TRRAP: variants seen among roughly 807,000 people sequenced by gnomAD.
TRRAP encodes the protein transformation/transcription domain-associated protein.
Under a neutral mutation model 438.8 loss-of-function variants are expected in TRRAP, and 41 were observed. The ratio of observed to expected loss-of-function variants is 0.09; its 90% CI spans 0.07 to 0.12. The LOEUF (loss-of-function observed/expected upper bound fraction) is 0.12, where lower values mean the gene tolerates loss of function less well. Ranked by LOEUF, TRRAP falls within the 10% of genes least tolerant of loss-of-function variation. The pLI is 1.00. For synonymous variants in TRRAP, 1,994 were observed against 1,962.9 expected (o/e 1.02, Z -0.42); for missense variants, 3,122 against 5,055.1 (o/e 0.62, Z 11.60).
chr7:98,978,384 T>G, intron 57 of TRRAP, 61 bp downstream of exon 57: 1 of 1,433,928 alleles, frequency 7.0e-7, no homozygotes, highest in Non-Finnish European at 9.7e-7. Flanking sequence ...GGGAAAAATC[T>G]CTGACCTTTT....
intron 30 of TRRAP, among the ~76,000 whole-genome samples, chr7:98,941,461 C>T (rs192222994): frequency 3.3e-5 from 5 of 152,296 alleles, no homozygotes; most frequent in Admixed American, 1.3e-4. Context: ...TGAGCTACCG[C>T]GCCTGGCCAT....
At chr7:98,958,711 G>C (rs3779187) in intron 44 of TRRAP, among the ~76,000 whole-genome samples, 3 of 151,970 alleles carry the variant, frequency 2.0e-5, no homozygotes, top group Non-Finnish European at 4.4e-5. Flanking sequence ...ACATGATCTC[G>C]GCTGATCATT....
chr7:98,989,077 G>T, intron 63 of TRRAP, 111 bp downstream of exon 63: 1 of 1,105,928 alleles, frequency 9.0e-7, no homozygotes, highest in Non-Finnish European at 1.3e-6. Context: ...ATGATTTCAT[G>T]CCTTAACTCT....
In TRRAP at chr7:98,938,765, T is replaced by TA. The variant is rs1790667623; in HGVS notation, c.4404+947dup. Among the ~76,000 whole-genome samples, 3 of 152,254 alleles carry TA rather than the reference T, an allele frequency of 2.0e-5. 1 individual carries two copies. Among genetic ancestry groups the TA allele is most frequent in the Admixed American group, 6.5e-5 (1 of 15,284 alleles). On this transcript the variant is annotated intron_variant, in intron 30 of 72. Transcript: ENST00000456197. Reference sequence around the variant, plus strand: ...CATGATGCACTGAAAGACTTGTTCATAATTTCACATGCTTTTATCTGTGGT... The same window carrying TA: ...CATGATGCACTGAAAGACTTGTTCATAAATTTCACATGCTTTTATCTGTGGT...
Position 98,956,265 on chromosome 7 carries a change from C to T in TRRAP, c.6057C>T (p.Val2019=), listed in dbSNP as rs782414888. 86 of 1,614,080 alleles carry T rather than the reference C, an allele frequency of 5.3e-5. No homozygotes were observed. Among genetic ancestry groups the T allele is most frequent in the Non-Finnish European group, 6.4e-5 (75 of 1,180,054 alleles). The change falls in exon 42 of 73, where the codon GTC becomes GTT. Residue 2019 remains valine, a synonymous_variant. Coordinates refer to ENST00000456197, the MANE Select transcript of TRRAP (RefSeq NM_001375524.1). This position sits in a 1 kb window ranked among gnomAD's most constrained non-coding sequence, Gnocchi z 4.5. ...GGCTGGCCGTGGACCTGTCTGAAGT[C>T]GTCATCAAGTGGGAGCTGCAGAGGA... ...QRRLAVDLSE[V]VIKWELQRIK... is the part of the protein sequence containing the mutation.
At chr7:98,936,498 A>C (rs922336960) in intron 28 of TRRAP, among the ~76,000 whole-genome samples, 2 of 152,130 alleles carry the variant, frequency 1.3e-5, no homozygotes, top group Non-Finnish European at 2.9e-5. Context: ...CCTGACATAG[A>C]AGGTTGAGGT....
At chr7:98,941,247 C>T (rs2116565352) in intron 30 of TRRAP, among the ~76,000 whole-genome samples, 1 of 152,304 alleles carries the variant, frequency 6.6e-6, no homozygotes, top group African/African-American at 2.4e-5. Context: ...GTGATCATAG[C>T]TCACTGCAAC....
rs781787843 is a variant in TRRAP at position 98,915,794 on chromosome 7, C to T, written c.2271C>T (p.Phe757=). 2.5e-5 allele frequency: 41 copies of T among 1,614,124 alleles called. No homozygotes were observed. Among genetic ancestry groups the T allele is most frequent in the Non-Finnish European group, 3.3e-5 (39 of 1,180,048 alleles). Residue 757 remains phenylalanine, a synonymous_variant, in exon 19 of 73, where the codon TTC becomes TTT. Coordinates refer to ENST00000456197, the MANE Select transcript of TRRAP (RefSeq NM_001375524.1). ...AQTAKEPYNY[F]LLLRALFRSI... ...CTGCCAAGGAACCCTACAACTACTT[C>T]TTGCTGCTACGGGCGCTGTTTCGCT...
chr7:98,970,181 A>G lies in TRRAP; in HGVS notation c.7582A>G (p.Ile2528Val). Reference protein sequence around the residue: ...TSCQGAMLPSITNVINLADSH... With the variant: ...TSCQGAMLPSVTNVINLADSH... ...CTGCCAAGGAGCCATGCTCCCGTCC[A>G]TCACCAACGTCATCAACCTGGCCGA... is the stretch of plus-strand genomic sequence containing the variant. Residue 2528 changes from isoleucine (I) to valine (V), a missense_variant, in exon 52 of 73, where the codon ATC becomes GTC. Physicochemically the swap from Ile to Val is conservative, Grantham distance 29. Coordinates refer to ENST00000456197, the MANE Select transcript of TRRAP (RefSeq NM_001375524.1). 2.5e-6 allele frequency: 4 copies of G among 1,613,952 alleles called. No homozygotes were observed. The highest frequency in any genetic ancestry group is 1.3e-5 in the African/African-American group (1 of 75,048).
chr7:98,915,630 A>C, intron 18 of TRRAP, 93 bp from the exon 19 acceptor site: 3 of 1,469,228 alleles, frequency 2.0e-6, no homozygotes, highest in Non-Finnish European at 2.7e-6. Context: ...ATTGCCTTCC[A>C]TTGCTGTCGG....
In TRRAP at chr7:98,937,257, G is replaced by A; in HGVS notation, c.4213G>A (p.Gly1405Arg). The change falls in exon 29 of 73, where the codon GGA becomes AGA. Residue 1405 changes from glycine (G) to arginine (R), a missense_variant. Coordinates refer to ENST00000456197, the MANE Select transcript of TRRAP (RefSeq NM_001375524.1). ...CACCAATAGTGAGCTCCAAGAGGCCGGAGAAGCCTGTATGAGAAAGGTGAG... is the reference window on the plus strand; with the variant it reads ...CACCAATAGTGAGCTCCAAGAGGCCAGAGAAGCCTGTATGAGAAAGGTGAG... ...NSTNSELQEA[G>R]EACMRKFLEG... The A allele has an allele frequency of 6.2e-7, 1 of 1,613,014 alleles. No homozygotes were observed. The highest frequency in any genetic ancestry group is 1.3e-5 in the African/African-American group (1 of 75,004).
rs770326053 is a variant in TRRAP at position 98,964,738 on chromosome 7, C to T, written c.6939C>T (p.Asn2313=). ...SLQKMVREHL[N]PQAASGSTEA... ...AGAAGATGGTCCGGGAGCATTTAAA[C>T]CCTCAGGCAGCGTCAGGAAGCACCG... The change falls in exon 48 of 73, where the codon AAC becomes AAT. Residue 2313 remains asparagine, a synonymous_variant. Coordinates refer to ENST00000456197, the MANE Select transcript of TRRAP (RefSeq NM_001375524.1). 57 of 1,613,328 alleles carry T rather than the reference C, an allele frequency of 3.5e-5. No homozygotes were observed. The highest frequency in any genetic ancestry group is 1.3e-5 in the African/African-American group (1 of 74,890).
At chr7:98,934,391 G>A (rs149708449) in intron 27 of TRRAP, among the ~76,000 whole-genome samples, 1 of 152,292 alleles carries the variant, frequency 6.6e-6, no homozygotes, top group African/African-American at 2.4e-5. Flanking sequence ...ATATGATCTG[G>A]CTCTGATCTT....
Position 99,012,227 on chromosome 7 carries a change from A to G in TRRAP, c.11494A>G (p.Ile3832Val). 1.2e-6 allele frequency: 2 copies of G among 1,614,140 alleles called. No homozygotes were observed. The highest frequency in any genetic ancestry group is 1.7e-6 in the Non-Finnish European group (2 of 1,180,002). Reference protein sequence around the residue: ...VSLVQKAVTAIMTRLHNLAQF... With the variant: ...VSLVQKAVTAVMTRLHNLAQF... Reference sequence around the variant, plus strand: ...CCTGGTTCAGAAAGCCGTCACCGCCATCATGACCCGCCTGCACAACCTCGC... The same window carrying G: ...CCTGGTTCAGAAAGCCGTCACCGCCGTCATGACCCGCCTGCACAACCTCGC... The change falls in exon 73 of 73, where the codon ATC (isoleucine) becomes GTC (valine). Residue 3832 changes from isoleucine to valine, a missense_variant. Ile to Val is a conservative substitution (Grantham distance 29). Coordinates refer to ENST00000456197, the MANE Select transcript of TRRAP (RefSeq NM_001375524.1). This position sits in a 1 kb window ranked among gnomAD's most constrained non-coding sequence, Gnocchi z 5.9.
chr7:99,005,334 A>T lies in TRRAP; in HGVS notation c.10739A>T (p.His3580Leu), dbSNP rs775630238. The T allele has an allele frequency of 1.2e-6, 2 of 1,614,016 alleles. No homozygotes were observed. Among genetic ancestry groups the T allele is most frequent in the Non-Finnish European group, 1.7e-6 (2 of 1,180,038 alleles). Residue 3580 changes from histidine (H) to leucine (L), a missense_variant, in exon 69 of 73, where the codon CAC becomes CTC. Around this residue, in one of 24 missense-constraint regions of TRRAP, gnomAD observed 95 missense variants for 144.1 expected, o/e 0.66. Coordinates refer to ENST00000456197, the MANE Select transcript of TRRAP (RefSeq NM_001375524.1). The surrounding 1 kb of genome is among the most constrained non-coding windows in gnomAD (Gnocchi z 5.1). ...LEKRKETTKR[H>L]LFFTVPRVVA... Reference sequence around the variant, plus strand: ...AAGAGAAAGGAGACCACCAAGAGGCACTTGTTTTTCACAGGTAGGGTTGAG... The same window carrying T: ...AAGAGAAAGGAGACCACCAAGAGGCTCTTGTTTTTCACAGGTAGGGTTGAG...
intron 53 of TRRAP, among the ~76,000 whole-genome samples, 173 bp downstream of exon 53, chr7:98,972,118 C>T (rs1296686253): frequency 6.6e-6 from 1 of 152,246 alleles, no homozygotes; most frequent in Admixed American, 6.5e-5. Context: ...TCGCACCTCA[C>T]TGCGGCCTCA....
intron 6 of TRRAP, among the ~76,000 whole-genome samples, chr7:98,895,364 G>A (rs1240166711): frequency 1.3e-5 from 2 of 152,124 alleles, no homozygotes; most frequent in African/African-American, 2.4e-5. Flanking sequence ...GAGAATTACC[G>A]AGGCAAAGGC....
In TRRAP at chr7:99,008,442, C is replaced by T. The variant is rs1159048161; in HGVS notation, c.10819C>T (p.Leu3607Phe). The part of the protein sequence containing the change: ...LVEDNPSSLS[L>F]VEIYKQRCAK... ...GGAGGACAACCCCTCTTCACTTTCC[C>T]TTGTGGAGATCTACAAGCAGCGCTG... The change falls in exon 70 of 73, where the codon CTT becomes TTT. Residue 3607 changes from leucine (L) to phenylalanine (F), a missense_variant. Transcript: ENST00000456197. 1 of 1,614,018 alleles carries T rather than the reference C, an allele frequency of 6.2e-7. No homozygotes were observed. Among genetic ancestry groups the T allele is most frequent in the Non-Finnish European group, 8.5e-7 (1 of 1,179,972 alleles).
At chr7:98,940,019 T>C (rs1790725991) in intron 30 of TRRAP, among the ~76,000 whole-genome samples, 1 of 151,978 alleles carries the variant, frequency 6.6e-6, no homozygotes, top group Non-Finnish European at 1.5e-5. Flanking sequence ...GTAACTGGGA[T>C]TACAGGTGTC....
Sources: gnomAD v4.1 joint callset for allele counts (sites outside exome capture counted in the v4.1 genomes callset) on GRCh38, gnomAD v4.1.1 for gene constraint, gnomAD v4.1.1 regional missense constraint, Gnocchi (gnomAD v3.1) non-coding constraint, MANE v1.5 for transcripts, NCBI Gene and HGNC (gene_info 2026-07-23, HGNC 2026-07-21) for gene names.